The following SLC25A48 variants were observed in gnomAD, a reference collection of about 807,000 sequenced individuals.
The protein encoded by SLC25A48 is CTC-321K16.1.
In SLC25A48, 29 loss-of-function variants were observed where a neutral mutation model predicts 32.2. The ratio of observed to expected loss-of-function variants is 0.90; its 90% confidence interval spans 0.67 to 1.23. The LOEUF (loss-of-function observed/expected upper bound fraction) is 1.23, where lower values mean the gene tolerates loss of function less well. Among genes scored for constraint, SLC25A48 ranks in the 50% most tolerant of loss-of-function variants. The pLI, the probability that SLC25A48 is intolerant of heterozygous loss-of-function variation, is 0.00. For missense variants in SLC25A48, 399 were observed against 422.7 expected, an observed-to-expected ratio of 0.94 and a Z score of 0.49; for synonymous variants, 164 against 172.3, an observed-to-expected ratio of 0.95 and a Z score of 0.38.
intron 4 of SLC25A48, chr5:135,825,237 TA>T (rs1276818327): frequency 1.3e-5 from 2 of 152,152 alleles, no homozygotes; most frequent in African/African-American, 4.8e-5. Context: ...AGTAATCCTA[TA>T]AAACAAGCCG....
chr5:135,855,682 C>T (rs1265082302), intron 4 of SLC25A48, among the ~76,000 whole-genome samples: 2 of 152,232 alleles, frequency 1.3e-5, no homozygotes, highest in Admixed American at 1.3e-4. Flanking sequence ...CTAAGCCAAG[C>T]ATGGTGCTTG....
chr5:135,657,815 G>C (rs903833411), intron 3 of SLC25A48, among the ~76,000 whole-genome samples: 2 of 152,174 alleles, frequency 1.3e-5, no homozygotes, highest in African/African-American at 4.8e-5. Flanking sequence ...GACCTCCAGG[G>C]ACTTCCTCTC....
intron 3 of SLC25A48, among the ~76,000 whole-genome samples, chr5:135,737,296 G>A (rs917636402): frequency 6.6e-6 from 1 of 152,084 alleles, no homozygotes; most frequent in Non-Finnish European, 1.5e-5. Context: ...GGGTCACAAG[G>A]TGCTCAGTGG....
chr5:135,776,092 C>T (rs1756550663), intron 3 of SLC25A48, among the ~76,000 whole-genome samples: 1 of 151,650 alleles, frequency 6.6e-6, no homozygotes, highest in African/African-American at 2.4e-5. Context: ...TGTACACGTC[C>T]CCTGTGATAT....
At chr5:135,625,034 G>A (rs941404198) in intron 1 of SLC25A48, among the ~76,000 whole-genome samples, 2 of 152,242 alleles carry the variant, frequency 1.3e-5, no homozygotes, top group East Asian at 1.9e-4. Flanking sequence ...AGAAGGATGA[G>A]CCATGTGCTC....
intron 3 of SLC25A48, among the ~76,000 whole-genome samples, chr5:135,733,992 G>A (rs1755292567): frequency 6.6e-6 from 1 of 152,096 alleles, no homozygotes; most frequent in East Asian, 1.9e-4. Flanking sequence ...GGCTTTTCTG[G>A]TTTTAGGACA....
chr5:135,842,942 T>C (rs936869077), intron 2 of SLC25A48, among the ~76,000 whole-genome samples: 12 of 152,230 alleles, frequency 7.9e-5, no homozygotes, highest in African/African-American at 2.7e-4. Context: ...AAATTGTGCC[T>C]CCTCACTGCT....
chr5:135,803,482 T>C (rs10463942), intron 3 of SLC25A48, among the ~76,000 whole-genome samples: 17,378 of 51,644 alleles, frequency 0.34, 3,382 homozygotes, highest in Middle Eastern at 0.5. Context: ...CCTAATATCA[T>C]AGTTGGTGTG....
At chr5:135,753,766 G>A (rs1349276936) in intron 3 of SLC25A48, among the ~76,000 whole-genome samples, 1 of 151,660 alleles carries the variant, frequency 6.6e-6, no homozygotes, top group Admixed American at 6.6e-5. Flanking sequence ...TACACCCTGT[G>A]TGTACACCCT....
chr5:135,772,447 G>C (rs1385488655), intron 3 of SLC25A48, among the ~76,000 whole-genome samples: 1 of 151,642 alleles, frequency 6.6e-6, no homozygotes, highest in South Asian at 2.1e-4. Flanking sequence ...CGTTGTGGGT[G>C]TACAGCCTTC....
chr5:135,764,299 T>C (rs1301960351), intron 3 of SLC25A48, among the ~76,000 whole-genome samples: 1 of 151,950 alleles, frequency 6.6e-6, no homozygotes, highest in Non-Finnish European at 1.5e-5. Context: ...GTAATATTAC[T>C]CCCAATATCG....
chr5:135,681,528 C>G (rs1435530886), intron 3 of SLC25A48, among the ~76,000 whole-genome samples: 1 of 152,234 alleles, frequency 6.6e-6, no homozygotes, highest in African/African-American at 2.4e-5. Flanking sequence ...ATTCTATCAT[C>G]TGTATTATTT....
chr5:135,661,847 A>G (rs1753405798), intron 3 of SLC25A48, among the ~76,000 whole-genome samples: 1 of 152,210 alleles, frequency 6.6e-6, no homozygotes, highest in Non-Finnish European at 1.5e-5. Context: ...GCTACACCCT[A>G]CAGTGTGGAT....
In SLC25A48 at chr5:135,879,985, C is replaced by G. The variant is rs1252597108; in HGVS notation, c.831C>G (p.Ile277Met). The G allele has an allele frequency of 6.5e-7, 1 of 1,536,392 alleles. No individual in the cohort carries two copies. The highest frequency in any genetic ancestry group is 1.2e-5 in the South Asian group (1 of 84,064). ...KEGLKVFFRGITVNAVRGFPM... is the reference protein window; with the variant it reads ...KEGLKVFFRGMTVNAVRGFPM... ...GTGCAAAGGTGTTTTTCAGAGGCAT[C>G]ACTGTGAACGCGGTGCGGGGCTTCC... Residue 277 changes from isoleucine to methionine, a missense_variant, in exon 7 of 8, where the codon ATC becomes ATG. Coordinates refer to ENST00000681962, the MANE Select transcript of SLC25A48 (RefSeq NM_001349336.2).
chr5:135,792,867 G>T (rs1352526867), intron 3 of SLC25A48, among the ~76,000 whole-genome samples: 2 of 151,556 alleles, frequency 1.3e-5, no homozygotes, highest in African/African-American at 4.8e-5. Flanking sequence ...ATATCCAGGG[G>T]AGATATTACT....
At chr5:135,830,111 A>G (rs1447623983), upstream of SLC25A48, among the ~76,000 whole-genome samples, 1 of 151,738 alleles carries the variant, frequency 6.6e-6, no homozygotes, top group Non-Finnish European at 1.5e-5. Context: ...GGCACCTCAG[A>G]CTCCCCTCTG....
intron 3 of SLC25A48, among the ~76,000 whole-genome samples, chr5:135,664,387 G>T (rs1199920214): frequency 9.2e-5 from 14 of 152,136 alleles, no homozygotes; most frequent in Admixed American, 2.6e-4. Flanking sequence ...CCAGTGGTGA[G>T]CATGGACCGA....
intron 2 of SLC25A48, among the ~76,000 whole-genome samples, chr5:135,843,226 A>T (rs1759148494): frequency 6.6e-6 from 1 of 152,174 alleles, no homozygotes. Flanking sequence ...GGCAGGCAGG[A>T]CCCAGTGCTG....
chr5:135,667,843 G>A (rs2126939448), intron 3 of SLC25A48, among the ~76,000 whole-genome samples: 1 of 152,370 alleles, frequency 6.6e-6, no homozygotes, highest in African/African-American at 2.4e-5. Flanking sequence ...TGTTTTCACA[G>A]GCATTCAGGA....
Sources: gnomAD v4.1 joint callset for allele counts (sites outside exome capture counted in the v4.1 genomes callset) on GRCh38, gnomAD v4.1.1 for gene constraint, MANE v1.5 for transcripts, NCBI Gene and HGNC (gene_info 2026-07-23, HGNC 2026-07-21) for gene names.